MRPL1: variants seen among roughly 807,000 people sequenced by gnomAD.
MRPL1 encodes mitochondrial ribosomal protein L1.
A neutral mutation model predicts 38.0 loss-of-function variants in MRPL1; 28 were observed. The observed-to-expected ratio is 0.74, with a 90% CI of 0.55 to 1.01. The LOEUF is 1.01. Among genes scored for constraint, MRPL1 ranks in the 50% least tolerant of loss-of-function variants. The probability of loss-of-function intolerance (pLI) is 0.00; values close to 1 mark genes in which losing one functional copy is unlikely to be tolerated. For missense variants in MRPL1, 358 were observed against 389.8 expected (o/e 0.92, Z 0.69); for synonymous variants, 123 against 126.7 (o/e 0.97, Z 0.20).
intron 4 of MRPL1, 63 bp from the exon 5 acceptor site, chr4:77,887,157 T>C: frequency 7.8e-7 from 1 of 1,285,898 alleles, no homozygotes; most frequent in Non-Finnish European, 1.1e-6. Flanking sequence ...GACAACATAC[T>C]TCAAAGCAGA....
intron 2 of MRPL1, among the ~76,000 whole-genome samples, chr4:77,882,102 G>A (rs1735554873): frequency 6.6e-6 from 1 of 152,162 alleles, no homozygotes; most frequent in African/African-American, 2.4e-5. Flanking sequence ...TTGCACTACA[G>A]TGGCAGCGTT....
chr4:77,890,043 C>A (rs1440852086), intron 5 of MRPL1, among the ~76,000 whole-genome samples: 2 of 152,158 alleles, frequency 1.3e-5, no homozygotes, highest in Non-Finnish European at 2.9e-5. Flanking sequence ...CCAGATTCTA[C>A]CAGAGGTACA....
chr4:77,945,711 G>A (rs766772405), intron 7 of MRPL1, among the ~76,000 whole-genome samples: 4 of 152,058 alleles, frequency 2.6e-5, no homozygotes, highest in East Asian at 1.9e-4. Context: ...CGCTAGGACC[G>A]TGATGCCCAC....
chr4:77,936,129 T>C (rs904171239), intron 7 of MRPL1, among the ~76,000 whole-genome samples: 7 of 151,902 alleles, frequency 4.6e-5, no homozygotes, highest in African/African-American at 1.7e-4. Context: ...TCATTCACCA[T>C]TTTAGTACTT....
chr4:77,869,059 T>G (rs1256116579), intron 1 of MRPL1, among the ~76,000 whole-genome samples: 1 of 152,140 alleles, frequency 6.6e-6, no homozygotes, highest in Non-Finnish European at 1.5e-5. Flanking sequence ...ATCCAGGTGG[T>G]AGGTGATGGT....
At chr4:77,890,376 A>T (rs1171684173) in intron 5 of MRPL1, among the ~76,000 whole-genome samples, 1 of 152,226 alleles carries the variant, frequency 6.6e-6, no homozygotes, top group African/African-American at 2.4e-5. Flanking sequence ...ACAGAACCAA[A>T]GACAAAAACC....
At chr4:77,948,022 ATT>A (rs1156943004) in intron 7 of MRPL1, among the ~76,000 whole-genome samples, 1 of 152,234 alleles carries the variant, frequency 6.6e-6, no homozygotes, top group East Asian at 1.9e-4. Flanking sequence ...TTTCTGAAAC[ATT>A]TATTGTCATT....
chr4:77,906,963 G>A (rs1578049948), intron 6 of MRPL1: 1 of 984,972 alleles, frequency 1.0e-6, no homozygotes, highest in Non-Finnish European at 1.2e-6. Flanking sequence ...ACTGCCTATG[G>A]GTAGTTGCTT....
chr4:77,877,561 C>A (rs59501128), intron 2 of MRPL1, among the ~76,000 whole-genome samples: 1 of 141,976 alleles, frequency 7.0e-6, no homozygotes, highest in Non-Finnish European at 1.5e-5. Flanking sequence ...CAGTAGACTT[C>A]TATTCCTGGT....
rs531975242 is a variant in MRPL1, at chr4:77,904,881, C to T, written c.671-4385C>T. Among the ~76,000 whole-genome samples the T allele has an allele frequency of 2.0e-5, 3 of 152,230 alleles. No individual in the cohort carries two copies. In the East Asian group the frequency reaches 5.8e-4, roughly 29 times the overall value. On this transcript the variant is annotated intron_variant, in intron 6 of 8. Coordinates refer to ENST00000315567, the MANE Select transcript of MRPL1 (RefSeq NM_020236.4). ...TAGACCTAAATATAAAAGATAAAGT[C>T]ATGAAATTCTAGAAGAAAATTTTTC...
intron 8 of MRPL1, among the ~76,000 whole-genome samples, chr4:77,951,453 G>GT (rs541987007): frequency 5.1e-4 from 77 of 152,276 alleles, no homozygotes; most frequent in African/African-American, 1.7e-3. Flanking sequence ...ATATTCTAGA[G>GT]TACAACTAGT....
intron 1 of MRPL1, among the ~76,000 whole-genome samples, chr4:77,865,322 G>A (rs927523841): frequency 1.3e-5 from 2 of 152,054 alleles, no homozygotes; most frequent in African/African-American, 2.4e-5. Flanking sequence ...CCTTGCAGTT[G>A]TTTAAAATCA....
intron 6 of MRPL1, among the ~76,000 whole-genome samples, chr4:77,894,856 A>C (rs1735879865): frequency 6.6e-6 from 1 of 152,168 alleles, no homozygotes; most frequent in Non-Finnish European, 1.5e-5. Context: ...GGTAACATTT[A>C]AACATAAAGG....
At chr4:77,891,547 G>A (rs1361807825) in intron 5 of MRPL1, among the ~76,000 whole-genome samples, 4 of 151,900 alleles carry the variant, frequency 2.6e-5, no homozygotes, top group Non-Finnish European at 4.4e-5. Context: ...GTAGAGATGG[G>A]GTTTTGCCAC....
chr4:77,876,076 G>A (rs1268285522), intron 2 of MRPL1, among the ~76,000 whole-genome samples: 1 of 152,060 alleles, frequency 6.6e-6, no homozygotes, highest in South Asian at 2.1e-4. Flanking sequence ...AGGTTCAGGC[G>A]ATTCTCTTGC....
chr4:77,910,670 A>T (rs756048762), intron 7 of MRPL1, among the ~76,000 whole-genome samples: 10 of 152,114 alleles, frequency 6.6e-5, no homozygotes, highest in Non-Finnish European at 1.2e-4. Context: ...TGCTGAAATA[A>T]TCCTCCCTTA....
chr4:77,881,949 T>C (rs1405617344), intron 2 of MRPL1, among the ~76,000 whole-genome samples: 2 of 152,220 alleles, frequency 1.3e-5, no homozygotes, highest in East Asian at 3.9e-4. Flanking sequence ...GTTTACTGAC[T>C]TCTTATTGCC....
Position 77,863,931 on chromosome 4 carries a change from A to G in MRPL1, c.31+1052A>G, listed in dbSNP as rs372242011. Among the ~76,000 whole-genome samples the G allele has an allele frequency of 2.0e-5, 3 of 152,006 alleles. No homozygotes were observed. The East Asian group carries it at 5.8e-4, about 29-fold the overall frequency. On this transcript the variant is annotated intron_variant, in intron 1 of 8. Transcript: ENST00000315567. ...GTGGCCAAGTTCATATAACTAGTAA[A>G]TGGCAGAGGAAGTACTGAAGCTTGC...
chr4:77,944,820 A>T (rs1257650387), intron 7 of MRPL1, among the ~76,000 whole-genome samples: 1 of 152,128 alleles, frequency 6.6e-6, no homozygotes, highest in Non-Finnish European at 1.5e-5. Flanking sequence ...GACAACTGAT[A>T]CTTCATTTTC....
Sources: allele counts gnomAD v4.1 joint callset (sites outside exome capture counted in the v4.1 genomes callset), GRCh38; gene constraint gnomAD v4.1.1; transcripts MANE v1.5; gene names NCBI Gene and HGNC (gene_info 2026-07-23, HGNC 2026-07-21).